LRRC8D: variants seen among roughly 807,000 people sequenced by gnomAD.
The protein encoded by LRRC8D is leucine rich repeat containing 8 VRAC subunit D.
A neutral mutation model predicts 55.8 loss-of-function variants in LRRC8D; 20 were observed. The ratio of observed to expected loss-of-function variants is 0.36; its 90% CI spans 0.25 to 0.52. LRRC8D has a LOEUF of 0.52. Among genes scored for constraint, LRRC8D ranks in the 20% least tolerant of loss-of-function variants. The pLI, the probability that LRRC8D is intolerant of heterozygous loss-of-function variation, is 0.93. For synonymous variants in LRRC8D, 352 were observed against 377.0 expected, an observed-to-expected ratio of 0.93 and a Z score of 0.77; for missense variants, 651 against 1,030.8, an observed-to-expected ratio of 0.63 and a Z score of 5.05.
At chr1:89,876,294 T>C (rs1199893812) in intron 2 of LRRC8D, among the ~76,000 whole-genome samples, 2 of 152,230 alleles carry the variant, frequency 1.3e-5, no homozygotes, top group African/African-American at 4.8e-5. Context: ...GTTTTTATAC[T>C]GTGGTCCACG....
At chr1:89,930,066 C>G (rs140761992) in intron 2 of LRRC8D, among the ~76,000 whole-genome samples, 1 of 152,200 alleles carries the variant, frequency 6.6e-6, no homozygotes. Flanking sequence ...CATCCCAAAA[C>G]CATCTCTCCC....
chr1:89,925,306 G>C (rs914989304), intron 2 of LRRC8D, among the ~76,000 whole-genome samples: 4 of 152,128 alleles, frequency 2.6e-5, no homozygotes, highest in African/African-American at 9.7e-5. Flanking sequence ...TGCAGGAAAA[G>C]CTCAGGGATC....
At chr1:89,894,664 TC>T (rs1662662014) in intron 2 of LRRC8D, among the ~76,000 whole-genome samples, 1 of 152,206 alleles carries the variant, frequency 6.6e-6, no homozygotes, top group Non-Finnish European at 1.5e-5. Context: ...AAGATAGTGT[TC>T]ATGTACATCA....
intron 2 of LRRC8D, among the ~76,000 whole-genome samples, chr1:89,881,978 A>T (rs1230167617): frequency 6.6e-6 from 1 of 152,160 alleles, no homozygotes; most frequent in Non-Finnish European, 1.5e-5. Flanking sequence ...TGCCTTGGTG[A>T]TGGAGTAGTG....
At chr1:89,910,933 T>A (rs968753480) in intron 2 of LRRC8D, among the ~76,000 whole-genome samples, 16 of 152,138 alleles carry the variant, frequency 1.1e-4, no homozygotes, top group Admixed American at 6.5e-5. Context: ...CCTCTCTACC[T>A]CATCTTTGTC....
intron 1 of LRRC8D, among the ~76,000 whole-genome samples, chr1:89,833,331 G>A (rs890612613): frequency 1.3e-5 from 2 of 152,172 alleles, no homozygotes; most frequent in African/African-American, 4.8e-5. Flanking sequence ...GTACTAAAAC[G>A]CTGGACTGAT....
intron 1 of LRRC8D, among the ~76,000 whole-genome samples, chr1:89,824,727 T>G (rs1660723502): frequency 6.6e-6 from 1 of 152,208 alleles, no homozygotes; most frequent in African/African-American, 2.4e-5. Flanking sequence ...TTTCACAGTC[T>G]TTTATTGGGA....
chr1:89,840,618 A>T (rs1192111798), intron 1 of LRRC8D, among the ~76,000 whole-genome samples: 1 of 152,132 alleles, frequency 6.6e-6, no homozygotes, highest in East Asian at 1.9e-4. Context: ...GTATTTTGTT[A>T]CCTATTAAAC....
chr1:89,831,086 A>G (rs911048213), intron 1 of LRRC8D, among the ~76,000 whole-genome samples: 2 of 151,736 alleles, frequency 1.3e-5, no homozygotes, highest in South Asian at 2.1e-4. Context: ...TTGTATTTTT[A>G]GGAGAGAGGG....
In LRRC8D at chr1:89,935,484, A is replaced by G; in HGVS notation, c.2416A>G (p.Lys806Glu). The G allele has an allele frequency of 6.2e-7, 1 of 1,614,240 alleles. No individual in the cohort carries two copies. Among genetic ancestry groups the G allele is most frequent in the East Asian group, 2.2e-5 (1 of 44,886 alleles). ...CTCCCAGCTCACTCAGCTGGAGCTG[A>G]AGGGGAACTGCTTGGACCGCCTGCC... The part of the protein sequence containing the change: ...QLSQLTQLEL[K>E]GNCLDRLPAQ... The change falls in exon 3 of 3, where the codon AAG becomes GAG. Residue 806 changes from lysine to glutamate, a missense_variant. Around this residue, in one of 5 missense-constraint regions of LRRC8D, gnomAD observed 338 missense variants for 479.4 expected, o/e 0.71. Coordinates refer to ENST00000337338, the MANE Select transcript of LRRC8D (RefSeq NM_001134479.2).
intron 2 of LRRC8D, among the ~76,000 whole-genome samples, chr1:89,868,292 T>C (rs1474400351): frequency 6.6e-6 from 1 of 152,076 alleles, no homozygotes; most frequent in African/African-American, 2.4e-5. Flanking sequence ...AATCATAAAA[T>C]GTAAGGATTA....
intron 2 of LRRC8D, among the ~76,000 whole-genome samples, chr1:89,931,228 G>A (rs1228466695): frequency 1.5e-5 from 2 of 136,018 alleles, no homozygotes; most frequent in East Asian, 2.2e-4. Context: ...AACCTACTCT[G>A]TGCAGTACTA....
At chr1:89,834,191 G>A (rs555769585) in intron 1 of LRRC8D, among the ~76,000 whole-genome samples, 1 of 152,324 alleles carries the variant, frequency 6.6e-6, no homozygotes, top group South Asian at 2.1e-4. Context: ...CAGGAGAAAG[G>A]ACTTTAAGAA....
At chr1:89,904,163 G>A (rs1344526235) in intron 2 of LRRC8D, among the ~76,000 whole-genome samples, 1 of 152,194 alleles carries the variant, frequency 6.6e-6, no homozygotes, top group East Asian at 1.9e-4. Flanking sequence ...TATCTGGAAG[G>A]ATCGTCCTCA....
chr1:89,876,571 G>C (rs1224955560), intron 2 of LRRC8D, among the ~76,000 whole-genome samples: 1 of 152,246 alleles, frequency 6.6e-6, no homozygotes, highest in East Asian at 1.9e-4. Context: ...GGTTAGAGCA[G>C]AGAGGTGGCA....
At chr1:89,930,273 C>T (rs1663670796) in intron 2 of LRRC8D, among the ~76,000 whole-genome samples, 1 of 152,202 alleles carries the variant, frequency 6.6e-6, no homozygotes, top group Non-Finnish European at 1.5e-5. Context: ...TGGCTCACTG[C>T]AACCTCCTCC....
intron 1 of LRRC8D, among the ~76,000 whole-genome samples, chr1:89,841,768 G>A (rs1661139067): frequency 6.6e-6 from 1 of 152,170 alleles, no homozygotes; most frequent in South Asian, 2.1e-4. Flanking sequence ...GAAAAAGCCA[G>A]TATCCTCTGC....
At chr1:89,881,679 C>G (rs1281547046) in intron 2 of LRRC8D, among the ~76,000 whole-genome samples, 1 of 152,030 alleles carries the variant, frequency 6.6e-6, no homozygotes, top group Non-Finnish European at 1.5e-5. Flanking sequence ...TAAGGGGGCT[C>G]AAGACATGAA....
At chr1:89,902,445 C>T (rs887302858) in intron 2 of LRRC8D, among the ~76,000 whole-genome samples, 1 of 152,180 alleles carries the variant, frequency 6.6e-6, no homozygotes, top group Non-Finnish European at 1.5e-5. Context: ...TTGAGCCTGC[C>T]CTCTCTGATA....
Sources: gnomAD v4.1 joint callset for allele counts (sites outside exome capture counted in the v4.1 genomes callset) on GRCh38, gnomAD v4.1.1 for gene constraint, gnomAD v4.1.1 regional missense constraint, MANE v1.5 for transcripts, NCBI Gene and HGNC (gene_info 2026-07-23, HGNC 2026-07-21) for gene names.